Variants in GPHN observed in about 807,000 individuals in gnomAD.
The protein encoded by GPHN is gephyrin.
Under a neutral mutation model 95.5 loss-of-function variants are expected in GPHN, and 17 were observed. That is an observed-to-expected ratio of 0.18 (90% CI 0.12 to 0.27). The LOEUF is 0.27. Among genes scored for constraint, GPHN ranks in the 10% least tolerant of loss-of-function variants. The pLI is 1.00. For synonymous variants in GPHN, 320 were observed against 322.5 expected (o/e 0.99, Z 0.08); for missense variants, 660 against 978.1 (o/e 0.67, Z 4.34).
At chr14:67,198,306 A>C in the GPHN span, 2 of 1,613,252 alleles carry the variant, frequency 1.2e-6, no homozygotes, top group Non-Finnish European at 1.7e-6. Flanking sequence ...CATGTTAGAG[A>C]GCAATTTTAT....
At chr14:66,992,175 T>C (rs937047705) in intron 9 of GPHN, among the ~76,000 whole-genome samples, 3 of 152,140 alleles carry the variant, frequency 2.0e-5, no homozygotes, top group African/African-American at 7.2e-5. Flanking sequence ...CAGCTACAAA[T>C]ATGTGTAGAT....
chr14:67,338,698 T>C, the GPHN span: 6 of 1,613,980 alleles, frequency 3.7e-6, no homozygotes, highest in Non-Finnish European at 5.1e-6. Context: ...GCTGCTCTCC[T>C]TTGCTCCAAG....
chr14:66,661,784 G>A (rs1223905806), intron 1 of GPHN, among the ~76,000 whole-genome samples: 1 of 152,068 alleles, frequency 6.6e-6, no homozygotes, highest in Non-Finnish European at 1.5e-5. Flanking sequence ...GGGGGAGGTG[G>A]GCGGGCGCCA....
chr14:67,705,895 A>G, the GPHN span: 3 of 152,234 alleles, frequency 2.0e-5, no homozygotes, highest in Non-Finnish European at 2.9e-5. Context: ...AAAAGTATAC[A>G]GCCAAAAATA....
chr14:67,174,270 C>T (rs559997068), intron 21 of GPHN, among the ~76,000 whole-genome samples: 30 of 149,930 alleles, frequency 2.0e-4, no homozygotes, highest in Non-Finnish European at 3.8e-4. Context: ...GTGATGTTCC[C>T]CTCCCTGTGT....
In GPHN at chr14:66,965,057, A is replaced by G. The variant is rs368383351; in HGVS notation, c.829-134A>G. The G allele has an allele frequency of 1.0e-3, 775 of 765,330 alleles. 1 individual carries two copies. In the African/African-American group the frequency reaches 0.011, roughly 11 times the overall value. The allele number at this position is 765,330 out of a possible 1,614,324, so 47.4% of individuals were successfully genotyped here. ...TATTCTATCTCAAGTTGTTGGATGC[A>G]TTTATACCTAACAGTAAGTGACACC... On this transcript the variant is annotated intron_variant, in intron 8 of 22. Transcript: ENST00000478722.
chr14:67,583,673 T>C, the GPHN span: 8 of 1,250,470 alleles, frequency 6.4e-6, no homozygotes, highest in Non-Finnish European at 7.8e-6. Flanking sequence ...ATTTCACCTC[T>C]CAACAGCCCC....
chr14:66,654,844 C>T (rs968602627), intron 1 of GPHN, among the ~76,000 whole-genome samples: 4 of 152,088 alleles, frequency 2.6e-5, no homozygotes, highest in East Asian at 1.9e-4. Context: ...TGAGATAGGT[C>T]GAGGTTTTTG....
At chr14:67,296,136 C>T in the GPHN span, among the ~76,000 whole-genome samples, 1 of 151,676 alleles carries the variant, frequency 6.6e-6, no homozygotes, top group Non-Finnish European at 1.5e-5. Context: ...AAGGAAAAAA[C>T]ATAGAAGGAA....
the GPHN span, chr14:67,359,919 C>G: frequency 1.8e-6 from 1 of 564,412 alleles, no homozygotes; most frequent in African/African-American, 1.9e-5. Context: ...GCCCGGATGT[C>G]GAGGCGCGCG....
chr14:67,127,383 A>G (rs1263297972), intron 17 of GPHN, among the ~76,000 whole-genome samples: 1 of 151,958 alleles, frequency 6.6e-6, no homozygotes, highest in African/African-American at 2.4e-5. Context: ...GACATAAAAA[A>G]CAATTATTTT....
chr14:66,536,181 G>A (rs930313096), intron 1 of GPHN, among the ~76,000 whole-genome samples: 2 of 152,082 alleles, frequency 1.3e-5, no homozygotes, highest in African/African-American at 4.8e-5. Context: ...TGAACTCCTG[G>A]CTCAAATGAT....
chr14:66,581,881 C>T (rs1451675167), intron 1 of GPHN, among the ~76,000 whole-genome samples: 13 of 151,776 alleles, frequency 8.6e-5, no homozygotes, highest in Non-Finnish European at 1.9e-4. Context: ...ATCAGAGTAC[C>T]TAAATATATA....
At chr14:66,624,481 TTC>T (rs1309656959) in intron 1 of GPHN, among the ~76,000 whole-genome samples, 1 of 152,176 alleles carries the variant, frequency 6.6e-6, no homozygotes, top group Non-Finnish European at 1.5e-5. Flanking sequence ...TTGGGTCTGG[TTC>T]TCTGATAGCT....
intron 1 of GPHN, among the ~76,000 whole-genome samples, chr14:66,575,123 C>A (rs576418041): frequency 6.6e-6 from 1 of 152,294 alleles, no homozygotes; most frequent in East Asian, 1.9e-4. Flanking sequence ...CTGGTAATTA[C>A]GAACTCTCAA....
intron 19 of GPHN, among the ~76,000 whole-genome samples, chr14:67,164,056 G>A (rs182114341): frequency 2.6e-4 from 39 of 151,818 alleles, no homozygotes; most frequent in South Asian, 8.3e-4. Context: ...ATCACCTGAG[G>A]TCGGGAGTTC....
chr14:66,943,449 A>G (rs575492403), intron 8 of GPHN, among the ~76,000 whole-genome samples: 18 of 152,216 alleles, frequency 1.2e-4, no homozygotes, highest in Non-Finnish European at 2.6e-4. Context: ...TAGCCTTACC[A>G]TTTATGGAGC....
intron 5 of GPHN, among the ~76,000 whole-genome samples, chr14:66,903,119 GGTCT>G (rs2065199749): frequency 1.3e-5 from 2 of 152,048 alleles, no homozygotes; most frequent in Non-Finnish European, 2.9e-5. Context: ...AGGCATATTA[GGTCT>G]GGTGTATAGT....
chr14:67,193,716 G>T, the GPHN span, among the ~76,000 whole-genome samples: 3 of 148,620 alleles, frequency 2.0e-5, no homozygotes, highest in African/African-American at 7.4e-5. Context: ...GCCAAAACAG[G>T]TGGATCACTT....
Sources: gnomAD v4.1 joint callset for allele counts (sites outside exome capture counted in the v4.1 genomes callset) on GRCh38, gnomAD v4.1.1 for gene constraint, MANE v1.5 for transcripts, NCBI Gene and HGNC (gene_info 2026-07-23, HGNC 2026-07-21) for gene names.